FHIT: variants seen among roughly 807,000 people sequenced by gnomAD.
The protein encoded by FHIT is fragile histidine triad diadenosine triphosphatase, also known as bis(5'-adenosyl)-triphosphatase.
FHIT carries 19 observed loss-of-function variants against 17.9 expected under a neutral mutation model. The observed-to-expected ratio is 1.06, with a 90% CI of 0.74 to 1.56. The LOEUF (loss-of-function observed/expected upper bound fraction) is 1.56. Among genes scored for constraint, FHIT ranks in the 40% most tolerant of loss-of-function variants. The probability of loss-of-function intolerance (pLI) is 0.00; values close to 1 mark genes in which losing one functional copy is unlikely to be tolerated. For synonymous variants in FHIT, 81 were observed against 69.7 expected, an observed-to-expected ratio of 1.16 and a Z score of -0.81; for missense variants, 248 against 189.2, an observed-to-expected ratio of 1.31 and a Z score of -1.82.
chr3:60,107,370 T>C (rs966567080), intron 5 of FHIT, among the ~76,000 whole-genome samples: 1 of 152,162 alleles, frequency 6.6e-6, no homozygotes, highest in Non-Finnish European at 1.5e-5. Context: ...TCTAATCTTA[T>C]CAGAATAACC....
At chr3:59,848,006 A>C (rs1701784768) in intron 8 of FHIT, among the ~76,000 whole-genome samples, 1 of 152,200 alleles carries the variant, frequency 6.6e-6, no homozygotes, top group Non-Finnish European at 1.5e-5. Flanking sequence ...GCTAGAGAGG[A>C]AGGTACAACA....
chr3:60,373,326 G>C (rs1223524573), intron 5 of FHIT, among the ~76,000 whole-genome samples: 1 of 152,162 alleles, frequency 6.6e-6, no homozygotes, highest in African/African-American at 2.4e-5. Context: ...AAGATATAAA[G>C]AATTTGAAAA....
intron 5 of FHIT, among the ~76,000 whole-genome samples, chr3:60,428,343 G>C (rs1702752959): frequency 6.6e-6 from 1 of 152,084 alleles, no homozygotes; most frequent in South Asian, 2.1e-4. Flanking sequence ...TTATTACCTG[G>C]AATCGTGGCA....
intron 3 of FHIT, among the ~76,000 whole-genome samples, chr3:60,883,364 A>G (rs1260812147): frequency 7.9e-5 from 12 of 152,162 alleles, no homozygotes; most frequent in African/African-American, 2.9e-4. Flanking sequence ...ATTAGAAAAA[A>G]TCCTAAAATT....
intron 4 of FHIT, among the ~76,000 whole-genome samples, chr3:60,649,660 C>T (rs782597561): frequency 3.9e-5 from 6 of 151,988 alleles, no homozygotes; most frequent in East Asian, 1.9e-4. Flanking sequence ...TGAATAAGAA[C>T]GTGTGGGAGA....
chr3:60,377,521 C>T (rs1375181663), intron 5 of FHIT, among the ~76,000 whole-genome samples: 3 of 127,540 alleles, frequency 2.4e-5, no homozygotes, highest in East Asian at 4.5e-4. Context: ...GTCGCCCAGG[C>T]CGGACTGCGG....
At chr3:60,638,070 T>C (rs782761451) in intron 4 of FHIT, among the ~76,000 whole-genome samples, 17 of 152,136 alleles carry the variant, frequency 1.1e-4, no homozygotes, top group Non-Finnish European at 2.1e-4. Context: ...TACACAAACA[T>C]TCAAACATTT....
intron 3 of FHIT, among the ~76,000 whole-genome samples, chr3:60,885,597 T>A (rs1575643353): frequency 6.6e-6 from 1 of 152,176 alleles, no homozygotes; most frequent in South Asian, 2.1e-4. Context: ...CCAGCCAAGG[T>A]CTATGAAACT....
chr3:60,401,259 A>G (rs929539799), intron 5 of FHIT, among the ~76,000 whole-genome samples: 2 of 152,196 alleles, frequency 1.3e-5, no homozygotes, highest in African/African-American at 4.8e-5. Context: ...TGTGATCTCC[A>G]AAGTGGTTTC....
At chr3:61,178,366 G>A (rs1403099375) in intron 2 of FHIT, among the ~76,000 whole-genome samples, 1 of 151,786 alleles carries the variant, frequency 6.6e-6, no homozygotes, top group Non-Finnish European at 1.5e-5. Flanking sequence ...CTTAACCTCT[G>A]CAATGTGTTG....
At chr3:61,121,882 G>T (rs2036467167) in intron 2 of FHIT, among the ~76,000 whole-genome samples, 1 of 152,026 alleles carries the variant, frequency 6.6e-6, no homozygotes, top group Non-Finnish European at 1.5e-5. Flanking sequence ...ACGTATGGAG[G>T]AATATTTACC....
chr3:60,235,762 A>C (rs925532969), intron 5 of FHIT, among the ~76,000 whole-genome samples: 1 of 152,190 alleles, frequency 6.6e-6, no homozygotes. Context: ...GCTTTGATTA[A>C]AGAGGATGTA....
In FHIT at chr3:60,747,183, C is replaced by CT. The variant is rs1350381046; in HGVS notation, c.-18+74735dup. ...TGTGTATGTGAGTATTCTCTCTGCA[C>CT]TGAATGCCCTTCCTCCTTCATCTAG... is the stretch of plus-strand genomic sequence containing the variant. On this transcript the variant is annotated intron_variant, in intron 4 of 9. Coordinates refer to ENST00000492590, the MANE Select transcript of FHIT (RefSeq NM_002012.4). Among the ~76,000 whole-genome samples the CT allele has an allele frequency of 7.9e-5, 12 of 152,022 alleles. 1 individual carries two copies. Among genetic ancestry groups the CT allele is most frequent in the Admixed American group, 2.6e-4 (4 of 15,258 alleles).
intron 5 of FHIT, among the ~76,000 whole-genome samples, chr3:60,178,770 T>C (rs1034503119): frequency 1.3e-5 from 2 of 152,094 alleles, no homozygotes; most frequent in African/African-American, 4.8e-5. Flanking sequence ...CTTTCACAGA[T>C]CAAATAAGGT....
chr3:61,076,756 G>A (rs771357855), intron 2 of FHIT, among the ~76,000 whole-genome samples: 1 of 152,140 alleles, frequency 6.6e-6, no homozygotes, highest in Non-Finnish European at 1.5e-5. Context: ...AGACCACACA[G>A]GTGTTAAGAG....
At chr3:60,452,971 C>T (rs1034400423) in intron 5 of FHIT, among the ~76,000 whole-genome samples, 2 of 152,070 alleles carry the variant, frequency 1.3e-5, no homozygotes, top group Non-Finnish European at 2.9e-5. Flanking sequence ...GTAGTGTACA[C>T]GAATGATTTG....
At chr3:60,172,931 T>G (rs1245925158) in intron 5 of FHIT, among the ~76,000 whole-genome samples, 1 of 152,198 alleles carries the variant, frequency 6.6e-6, no homozygotes, top group Non-Finnish European at 1.5e-5. Context: ...TACCACATAT[T>G]CTGCTTGCTT....
intron 8 of FHIT, among the ~76,000 whole-genome samples, chr3:59,804,838 C>T (rs903210974): frequency 1.3e-5 from 2 of 152,154 alleles, no homozygotes; most frequent in Non-Finnish European, 2.9e-5. Context: ...TCTGGAGCTG[C>T]CCCACGGTAG....
At chr3:60,146,414 T>C (rs1166886861) in intron 5 of FHIT, among the ~76,000 whole-genome samples, 1 of 151,946 alleles carries the variant, frequency 6.6e-6, no homozygotes, top group African/African-American at 2.4e-5. Context: ...TATCAAACAA[T>C]ATCATAAACA....
Sources: allele counts gnomAD v4.1 joint callset (sites outside exome capture counted in the v4.1 genomes callset), GRCh38; gene constraint gnomAD v4.1.1; transcripts MANE v1.5; gene names NCBI Gene and HGNC (gene_info 2026-07-23, HGNC 2026-07-21).